Variants in PLIN2 observed in about 807,000 individuals in gnomAD.
PLIN2 encodes the protein perilipin 2.
In PLIN2, 33 loss-of-function variants were observed where a neutral mutation model predicts 30.6. The ratio of observed to expected loss-of-function variants is 1.08; its 90% CI spans 0.82 to 1.44. The LOEUF is 1.44. Ranked by LOEUF, PLIN2 falls within the 40% of genes most tolerant of loss-of-function variation. The pLI is 0.00. For missense variants in PLIN2, 610 were observed against 531.8 expected, an observed-to-expected ratio of 1.15 and a Z score of -1.45; for synonymous variants, 205 against 201.1, an observed-to-expected ratio of 1.02 and a Z score of -0.16.
In PLIN2 at chr9:19,123,608, C is replaced by G. The variant is rs745938132; in HGVS notation, c.266G>C (p.Arg89Thr). 1.9e-6 allele frequency: 3 copies of G among 1,614,064 alleles called. No individual in the cohort carries two copies. The highest frequency in any genetic ancestry group is 2.2e-5 in the East Asian group (1 of 44,894). Residue 89 changes from arginine (R) to threonine (T), a missense_variant, in exon 4 of 8, where the codon AGG (arginine) becomes ACG (threonine). Coordinates refer to ENST00000276914, the MANE Select transcript of PLIN2 (RefSeq NM_001122.4). ...ANTYACKGLD[R>T]IEERLPILNQ... ...CAGAATAGGCAGTCTCTCCTCAATC[C>G]TGTCTAGCCCCTTACAGGCATAGGT...
chr9:19,118,225 G>A, intron 7 of PLIN2, 96 bp downstream of exon 7: 2 of 1,209,830 alleles, frequency 1.7e-6, no homozygotes, highest in Non-Finnish European at 1.2e-6. Flanking sequence ...TTTTGATAGA[G>A]AAGAGTATTC....
chr9:19,116,203 G>C lies in PLIN2; in HGVS notation c.*45C>G, dbSNP rs752869303. ...CAAGTTAATTTCAACATAACAAAAG[G>C]TGTCATCTGTCTGGCCACAGCATGC... On this transcript the variant is annotated 3_prime_UTR_variant, in exon 8 of 8. Coordinates refer to ENST00000276914, the MANE Select transcript of PLIN2 (RefSeq NM_001122.4). The C allele has an allele frequency of 1.3e-6, 2 of 1,503,622 alleles. No individual in the cohort carries two copies. The highest frequency in any genetic ancestry group is 4.4e-5 in the Admixed American group (2 of 45,240). 93.1% of individuals were successfully genotyped at this position (1,503,622 alleles called of 1,614,324 possible).
rs1330422916 is a variant in PLIN2, at chr9:19,118,455, T to A, written c.778A>T (p.Ile260Phe). Residue 260 changes from isoleucine to phenylalanine, a missense_variant and splice_region_variant, in exon 7 of 8, where the codon ATT becomes TTT. Ile to Phe is a conservative substitution (Grantham distance 21). Coordinates refer to ENST00000276914, the MANE Select transcript of PLIN2 (RefSeq NM_001122.4). ...TACACATTCTTCCTGGCAAATTCAA[T>A]CTAGACACATTGAAACAAGACAAAG... ...ISQLHSTVHL[I>F]EFARKNVYSA... 6.2e-7 allele frequency: 1 copy of A among 1,612,688 alleles called. No individual in the cohort carries two copies. Among genetic ancestry groups the A allele is most frequent in the East Asian group, 2.2e-5 (1 of 44,862 alleles).
chr9:19,121,605 T>C (rs1275813691), intron 4 of PLIN2, among the ~76,000 whole-genome samples: 3 of 151,916 alleles, frequency 2.0e-5, no homozygotes, highest in Non-Finnish European at 4.4e-5. Flanking sequence ...AAGATCAAAC[T>C]ATACCTGGCC....
At chr9:19,125,916 C>G (rs531210557) in intron 3 of PLIN2, 198 bp downstream of exon 3, 9 of 483,248 alleles carry the variant, frequency 1.9e-5, no homozygotes, top group Non-Finnish European at 3.3e-5. Flanking sequence ...GAGTGAGACT[C>G]CATCTCAAAA....
At chr9:19,122,792 A>G (rs1028010499) in intron 4 of PLIN2, among the ~76,000 whole-genome samples, 1 of 151,986 alleles carries the variant, frequency 6.6e-6, no homozygotes, top group Non-Finnish European at 1.5e-5. Flanking sequence ...TGAGAATCTA[A>G]TGATAAATAT....
chr9:19,120,011 G>GT (rs1289508466), intron 5 of PLIN2, among the ~76,000 whole-genome samples, 180 bp from the exon 6 acceptor site: 2 of 150,614 alleles, frequency 1.3e-5, no homozygotes, highest in Middle Eastern at 3.5e-3. Context: ...ACATATTACT[G>GT]TATCTGATAC....
Position 19,119,754 on chromosome 9 carries a change from T to C in PLIN2, c.673A>G (p.Thr225Ala), listed in dbSNP as rs930469925. 1.2e-6 allele frequency: 2 copies of C among 1,612,006 alleles called. No individual in the cohort carries two copies. The highest frequency in any genetic ancestry group is 1.7e-6 in the Non-Finnish European group (2 of 1,178,348). Residue 225 changes from threonine to alanine, a missense_variant, in exon 6 of 8, where the codon ACC becomes GCC. Physicochemically the swap from Thr to Ala is moderately conservative, Grantham distance 58 (BLOSUM62 0). Coordinates refer to ENST00000276914, the MANE Select transcript of PLIN2 (RefSeq NM_001122.4). ...SYYVRLGSLS[T>A]KLHSRAYQQA... ...TGGTAGGCACGGGAGTGAAGCTTGGTAGACAGGGATCCCAGTCTAACATAA... is the reference window on the plus strand; with the variant it reads ...TGGTAGGCACGGGAGTGAAGCTTGGCAGACAGGGATCCCAGTCTAACATAA...
At chr9:19,109,960 A>G (rs1305668843) in intron 2 of PLIN2, among the ~76,000 whole-genome samples, 7 of 121,110 alleles carry the variant, frequency 5.8e-5, no homozygotes, top group East Asian at 2.1e-4. Flanking sequence ...TGTTTACAGG[A>G]AAAAAAAAAA....
In PLIN2 at chr9:19,123,703, A is replaced by G. The variant is rs184554854; in HGVS notation, c.227-56T>C. On this transcript the variant is annotated intron_variant, in intron 3 of 7. Coordinates refer to ENST00000276914, the MANE Select transcript of PLIN2 (RefSeq NM_001122.4). ...AGTACTATAGGTATAGAATGAACAC[A>G]CATTACCATAGGCCTTATAAAAAAT... is the stretch of plus-strand genomic sequence containing the variant. 16 of 1,445,962 alleles carry G rather than the reference A, an allele frequency of 1.1e-5. No individual in the cohort carries two copies. The East Asian group carries it at 3.4e-4, about 31-fold the overall frequency. 89.6% of individuals were successfully genotyped at this position (1,445,962 alleles called of 1,614,324 possible).
At chr9:19,112,934 C>A (rs750881252), downstream of PLIN2, among the ~76,000 whole-genome samples, 7 of 151,840 alleles carry the variant, frequency 4.6e-5, no homozygotes, top group Non-Finnish European at 1.0e-4. Context: ...GACCTCTCTC[C>A]TTTTCATAAG....
chr9:19,127,260 CG>C lies in PLIN2; in HGVS notation c.-23+158del, dbSNP rs1215503663. Among the ~76,000 whole-genome samples the C allele has an allele frequency of 2.0e-5, 3 of 151,998 alleles. No homozygotes were observed. The highest frequency in any genetic ancestry group is 2.9e-5 in the Non-Finnish European group (2 of 67,984). Reference sequence around the variant, plus strand: ...CAGGACCTGGAAGCCGCGAGGCGAGCGGGGGGTCTCGGACCATCACCCCCGC... The same window carrying C: ...CAGGACCTGGAAGCCGCGAGGCGAGCGGGGGTCTCGGACCATCACCCCCGC... On this transcript the variant is annotated intron_variant, in intron 1 of 7. Coordinates refer to ENST00000276914, the MANE Select transcript of PLIN2 (RefSeq NM_001122.4). The surrounding 1 kb of genome is among the most constrained non-coding windows in gnomAD (Gnocchi z 4.3).
chr9:19,111,332 G>GCCAC (rs1564027793), downstream of PLIN2, among the ~76,000 whole-genome samples: 1 of 152,188 alleles, frequency 6.6e-6, no homozygotes, highest in Non-Finnish European at 1.5e-5. Context: ...ACAGGCATGA[G>GCCAC]CCACCGCACC....
rs1040791839 is a variant in PLIN2, at chr9:19,126,529, C to G, written c.-22-81G>C. The G allele has an allele frequency of 3.3e-6, 3 of 909,188 alleles. No individual in the cohort carries two copies. The African/African-American group carries it at 5.0e-5, about 15-fold the overall frequency. The allele number at this position is 909,188 out of a possible 1,614,324, so 56.3% of individuals were successfully genotyped here. Reference sequence around the variant, plus strand: ...CCCCAACCCAAGCAAATGCTGATTACAAGTAGAGAAAAATGCAGGGTGAGC... The same window carrying G: ...CCCCAACCCAAGCAAATGCTGATTAGAAGTAGAGAAAAATGCAGGGTGAGC... On this transcript the variant is annotated intron_variant, in intron 1 of 7. Transcript: ENST00000276914.
At chr9:19,122,160 A>G (rs1052978922) in intron 4 of PLIN2, among the ~76,000 whole-genome samples, 2 of 151,870 alleles carry the variant, frequency 1.3e-5, no homozygotes, top group Non-Finnish European at 1.5e-5. Context: ...ACATTTAAAG[A>G]AAATATCCGA....
chr9:19,109,027 A>C (rs1818125921), intron 2 of PLIN2, among the ~76,000 whole-genome samples: 1 of 152,174 alleles, frequency 6.6e-6, no homozygotes, highest in East Asian at 1.9e-4. Context: ...TTCAACTATT[A>C]ATCTATTACT....
At chr9:19,122,693 C>T (rs1818337531) in intron 4 of PLIN2, among the ~76,000 whole-genome samples, 1 of 152,110 alleles carries the variant, frequency 6.6e-6, no homozygotes, top group Admixed American at 6.6e-5. Flanking sequence ...AGTCCATTAC[C>T]AGTCCATTAC....
rs145307410 is a variant in PLIN2, at chr9:19,124,199, C to G, written c.227-552G>C. Among the ~76,000 whole-genome samples the G allele has an allele frequency of 5.3e-3, 814 of 152,188 alleles. 6 individuals carry two copies. Among genetic ancestry groups the G allele is most frequent in the Middle Eastern group, 0.031 (9 of 294 alleles). ...TGACAGGCCAAACAGGAAGCTGGCTCTGAAGCTTCTTCCTTATCAACTGGC... is the reference window on the plus strand; with the variant it reads ...TGACAGGCCAAACAGGAAGCTGGCTGTGAAGCTTCTTCCTTATCAACTGGC... On this transcript the variant is annotated intron_variant, in intron 3 of 7. Coordinates refer to ENST00000276914, the MANE Select transcript of PLIN2 (RefSeq NM_001122.4).
chr9:19,114,967 G>A (rs1818201060), downstream of PLIN2, among the ~76,000 whole-genome samples: 1 of 152,188 alleles, frequency 6.6e-6, no homozygotes, highest in South Asian at 2.1e-4. Flanking sequence ...AACACAGTAA[G>A]TTAAGTCCAG....
Sources: gnomAD v4.1 joint callset for allele counts (sites outside exome capture counted in the v4.1 genomes callset) on GRCh38, gnomAD v4.1.1 for gene constraint, Gnocchi (gnomAD v3.1) non-coding constraint, MANE v1.5 for transcripts, NCBI Gene and HGNC (gene_info 2026-07-23, HGNC 2026-07-21) for gene names.